The following GTF2IRD1 variants were observed in gnomAD, a reference collection of about 807,000 sequenced individuals.
GTF2IRD1 encodes general transcription factor II-I repeat domain-containing protein 1.
In GTF2IRD1, 26 loss-of-function variants were observed where a neutral mutation model predicts 113.2. The observed-to-expected ratio is 0.23, with a 90% CI of 0.17 to 0.32. The LOEUF (loss-of-function observed/expected upper bound fraction) is 0.32, where lower values mean the gene tolerates loss of function less well. GTF2IRD1 is among the 10% of genes least tolerant of loss of function. The probability of loss-of-function intolerance (pLI) is 1.00; values close to 1 mark genes in which losing one functional copy is unlikely to be tolerated. For synonymous variants in GTF2IRD1, 484 were observed against 529.1 expected (o/e 0.91, Z 1.17); for missense variants, 864 against 1,280.8 (o/e 0.67, Z 4.97).
intron 1 of GTF2IRD1, among the ~76,000 whole-genome samples, chr7:74,454,714 C>G (rs1432494209): frequency 2.0e-5 from 3 of 152,072 alleles, no homozygotes; most frequent in African/African-American, 7.2e-5. Context: ...CGCCCCGGCC[C>G]CGGGGAGGGG....
chr7:74,456,676 C>T (rs1333953378), intron 1 of GTF2IRD1, among the ~76,000 whole-genome samples: 1 of 150,912 alleles, frequency 6.6e-6, no homozygotes, highest in Non-Finnish European at 1.5e-5. Context: ...GAGCAAGACT[C>T]CATCTAAAAA....
In GTF2IRD1 at chr7:74,512,854, G is replaced by A. The variant is rs1554343392; in HGVS notation, c.148G>A (p.Ala50Thr). 1.1e-5 allele frequency: 17 copies of A among 1,613,964 alleles called. No individual in the cohort carries two copies. Among genetic ancestry groups the A allele is most frequent in the Non-Finnish European group, 1.4e-5 (17 of 1,179,992 alleles). The change falls in exon 3 of 27, where the codon GCC (alanine) becomes ACC (threonine). Residue 50 changes from alanine (A) to threonine (T), a missense_variant. By Grantham distance (58) the Ala-to-Thr change is moderately conservative. This residue lies in a region of GTF2IRD1 where 182 missense variants were observed against 266.6 expected (regional missense o/e 0.68). Coordinates refer to ENST00000424337, the MANE Select transcript of GTF2IRD1 (RefSeq NM_005685.4). This position sits in a 1 kb window ranked among gnomAD's most constrained non-coding sequence, Gnocchi z 4.4. The part of the protein sequence containing the change: ...SMCSALSKLN[A>T]EVACVAVHDE... ...GTGCTCAGCGCTGTCCAAACTGAAC[G>A]CCGAGGTGGCCTGTGTCGCCGTGCA...
chr7:74,561,373 G>C (rs1799955549), intron 22 of GTF2IRD1, among the ~76,000 whole-genome samples: 2 of 149,770 alleles, frequency 1.3e-5, no homozygotes, highest in Admixed American at 6.7e-5. Context: ...AAAGAACTTA[G>C]GGTACAGTGA....
intron 22 of GTF2IRD1, 81 bp downstream of exon 22, chr7:74,559,736 G>C (rs1799836609): frequency 5.0e-6 from 6 of 1,209,532 alleles, no homozygotes; most frequent in Middle Eastern, 2.8e-4. Flanking sequence ...GCCTGCTGTG[G>C]GGCACAGGTT....
At chr7:74,583,128 G>A (rs587731620) in intron 22 of GTF2IRD1, among the ~76,000 whole-genome samples, 1 of 152,274 alleles carries the variant, frequency 6.6e-6, no homozygotes, top group South Asian at 2.1e-4. Context: ...AAGGTATATT[G>A]TGGGCCTTGC....
At chr7:74,562,452 C>G (rs1388690474) in intron 22 of GTF2IRD1, among the ~76,000 whole-genome samples, 1 of 151,834 alleles carries the variant, frequency 6.6e-6, no homozygotes, top group Non-Finnish European at 1.5e-5. Flanking sequence ...ACTTCCTTAC[C>G]GCCAAGATGG....
intron 1 of GTF2IRD1, among the ~76,000 whole-genome samples, chr7:74,483,483 C>T (rs1373309731): frequency 3.3e-5 from 5 of 152,124 alleles, no homozygotes; most frequent in Non-Finnish European, 7.4e-5. Context: ...GAATTTGAGG[C>T]TGCAATGAGC....
At chr7:74,516,599 C>A (rs587679821) in intron 4 of GTF2IRD1, among the ~76,000 whole-genome samples, 16 of 152,224 alleles carry the variant, frequency 1.1e-4, no homozygotes, top group Middle Eastern at 6.8e-3. Context: ...CTACTGTAGC[C>A]TTTGGTTTTA....
At chr7:74,589,811 C>G in intron 22 of GTF2IRD1, 40 bp from the exon 23 acceptor site, 1 of 1,296,746 alleles carries the variant, frequency 7.7e-7, no homozygotes, top group Non-Finnish European at 1.1e-6. Context: ...AGTGGCTAAG[C>G]TGGTGCCAAC....
intron 22 of GTF2IRD1, among the ~76,000 whole-genome samples, chr7:74,564,805 A>C (rs587716401): frequency 6.6e-6 from 1 of 152,292 alleles, no homozygotes; most frequent in Admixed American, 6.5e-5. Context: ...AGCTGAGGAC[A>C]TCACGTTTGC....
chr7:74,514,677 G>A (rs1177690918), intron 3 of GTF2IRD1, among the ~76,000 whole-genome samples: 1 of 151,882 alleles, frequency 6.6e-6, no homozygotes, highest in African/African-American at 2.4e-5. Flanking sequence ...CCTCCTTGGA[G>A]CAGGGGTTGG....
In GTF2IRD1 at chr7:74,538,190, C is replaced by A. The variant is rs782393036; in HGVS notation, c.1447+17C>A. Reference sequence around the variant, plus strand: ...GTGGGCCAGGTGAGAAGGAACAGGGCCCGCTGTGTGTGTGGTGGGCCGGGA... The same window carrying A: ...GTGGGCCAGGTGAGAAGGAACAGGGACCGCTGTGTGTGTGGTGGGCCGGGA... On this transcript the variant is annotated intron_variant, in intron 12 of 26. Transcript: ENST00000424337. The A allele has an allele frequency of 1.2e-5, 20 of 1,611,840 alleles. No homozygotes were observed. The highest frequency in any genetic ancestry group is 2.0e-4 in the Middle Eastern group (1 of 4,974).
rs374266849 is a variant in GTF2IRD1, at chr7:74,513,018, G to A, written c.265+47G>A. 1.2e-4 allele frequency: 199 copies of A among 1,594,348 alleles called. 2 individuals are homozygous for A. The Middle Eastern group carries it at 1.4e-3, about 11-fold the overall frequency. On this transcript the variant is annotated intron_variant, in intron 3 of 26. Coordinates refer to ENST00000424337, the MANE Select transcript of GTF2IRD1 (RefSeq NM_005685.4). Reference sequence around the variant, plus strand: ...AGGGCCGGGCCCGCCATTTCCCGAGGGCAGGCGCTCTAGCCCATCTCTGGG... The same window carrying A: ...AGGGCCGGGCCCGCCATTTCCCGAGAGCAGGCGCTCTAGCCCATCTCTGGG...
chr7:74,483,980 G>A (rs569916944), intron 1 of GTF2IRD1, among the ~76,000 whole-genome samples: 4 of 152,184 alleles, frequency 2.6e-5, no homozygotes, highest in East Asian at 1.9e-4. Context: ...GGAAGGAGCC[G>A]TGTAGATACA....
In GTF2IRD1 at chr7:74,529,810, C is replaced by T. The variant is rs1314484795; in HGVS notation, c.1167C>T (p.Ile389=). Residue 389 remains isoleucine (I), a synonymous_variant, in exon 9 of 27, where the codon ATC becomes ATT. Transcript: ENST00000424337. ...CCTGTGACCCGGAGGCTGTGGAGATCGTGGGCATCCCGGACAAGATCCCCT... is the reference window on the plus strand; with the variant it reads ...CCTGTGACCCGGAGGCTGTGGAGATTGTGGGCATCCCGGACAAGATCCCCT... The part of the protein sequence containing the change: ...KIACDPEAVE[I]VGIPDKIPFK... 1.9e-6 allele frequency: 3 copies of T among 1,613,972 alleles called. No individual in the cohort carries two copies. Among genetic ancestry groups the T allele is most frequent in the African/African-American group, 1.3e-5 (1 of 75,026 alleles).
At chr7:74,596,899 G>A (rs1554372476) in intron 25 of GTF2IRD1, among the ~76,000 whole-genome samples, 1 of 151,764 alleles carries the variant, frequency 6.6e-6, no homozygotes, top group East Asian at 1.9e-4. Flanking sequence ...GACCAAAAAG[G>A]TTTTTCTAAA....
intron 12 of GTF2IRD1, among the ~76,000 whole-genome samples, chr7:74,538,397 C>T (rs1445342761): frequency 2.6e-5 from 4 of 152,224 alleles, no homozygotes; most frequent in Admixed American, 2.6e-4. Context: ...GGCATCACCA[C>T]TGCCTCCTGT....
chr7:74,519,843 G>A (rs1797162812), intron 6 of GTF2IRD1, 124 bp downstream of exon 6: 2 of 667,998 alleles, frequency 3.0e-6, no homozygotes, highest in African/African-American at 1.8e-5. Context: ...CCATGTCTGG[G>A]CATGGGAGTG....
chr7:74,596,085 G>A (rs1802393655), intron 25 of GTF2IRD1: 1 of 152,042 alleles, frequency 6.6e-6, no homozygotes, highest in Non-Finnish European at 1.5e-5. Flanking sequence ...AGCACTTTGG[G>A]AGGCCGAGGC....
Sources: allele counts gnomAD v4.1 joint callset (sites outside exome capture counted in the v4.1 genomes callset), GRCh38; gene constraint gnomAD v4.1.1; regional missense constraint gnomAD v4.1.1; non-coding constraint Gnocchi (gnomAD v3.1); transcripts MANE v1.5; gene names NCBI Gene and HGNC (gene_info 2026-07-23, HGNC 2026-07-21).